The following CDK5RAP2 variants were observed in gnomAD, a reference collection of about 807,000 sequenced individuals.
CDK5RAP2 encodes CDK5 regulatory subunit-associated protein 2.
Under a neutral mutation model 232.9 loss-of-function variants are expected in CDK5RAP2, and 147 were observed. The ratio of observed to expected loss-of-function variants is 0.63; its 90% CI spans 0.55 to 0.72. CDK5RAP2 has a LOEUF of 0.72. CDK5RAP2 is among the 30% of genes least tolerant of loss of function. CDK5RAP2 has a pLI of 0.00. For missense variants in CDK5RAP2, 2,195 were observed against 2,231.5 expected, an observed-to-expected ratio of 0.98 and a Z score of 0.33; for synonymous variants, 833 against 833.7, an observed-to-expected ratio of 1.00 and a Z score of 0.01.
At chr9:120,470,721 C>T (rs2037651187) in intron 16 of CDK5RAP2, among the ~76,000 whole-genome samples, 1 of 147,036 alleles carries the variant, frequency 6.8e-6, no homozygotes, top group African/African-American at 2.5e-5. Context: ...CCTGCTAGTG[C>T]TAAGCTAGAA....
chr9:120,482,619 G>A (rs1412026227), intron 14 of CDK5RAP2, among the ~76,000 whole-genome samples: 3 of 152,186 alleles, frequency 2.0e-5, no homozygotes, highest in African/African-American at 7.2e-5. Flanking sequence ...CCCCAGAGCT[G>A]GCGTGTCAGC....
At position 120,408,378 on chromosome 9, in the gene CDK5RAP2, C is replaced by G. The variant is rs2033620155; in HGVS notation, c.4695G>C (p.Glu1565Asp). ...GTCTCCTGTGCTCTTCATCCAGCTT[C>G]TCATACGCCTTCAGCTCCACTCGGA... The part of the protein sequence containing the change: ...QSLRVELKAY[E>D]KLDEEHRRLR... Residue 1565 changes from glutamate (E) to aspartate (D), a missense_variant, in exon 31 of 38, where the codon GAG (glutamate) becomes GAC (aspartate). Glu to Asp is a conservative substitution (Grantham distance 45, BLOSUM62 2). Transcript: ENST00000349780. 4 of 1,614,170 alleles carry G rather than the reference C, an allele frequency of 2.5e-6. No homozygotes were observed. Among genetic ancestry groups the G allele is most frequent in the Non-Finnish European group, 3.4e-6 (4 of 1,180,030 alleles).
At chr9:120,411,552 TAAAC>T (rs1459247335) in intron 28 of CDK5RAP2, 78 bp from the exon 29 acceptor site, 8 of 808,824 alleles carry the variant, frequency 9.9e-6, no homozygotes, top group East Asian at 2.4e-5. Flanking sequence ...AAAGCAGTTT[TAAAC>T]AAAGAGTTAA....
chr9:120,407,210 T>C lies in CDK5RAP2; in HGVS notation c.4765A>G (p.Arg1589Gly). The C allele has an allele frequency of 6.2e-7, 1 of 1,613,644 alleles. No individual in the cohort carries two copies. Among genetic ancestry groups the C allele is most frequent in the Non-Finnish European group, 8.5e-7 (1 of 1,180,024 alleles). Residue 1589 changes from arginine to glycine, a missense_variant, in exon 32 of 38, where the codon AGG becomes GGG. Transcript: ENST00000349780. ...TCCATCAGGAGGCTGTGCAGGTCCC[T>C]GAAAGGATCCTGCCCCTTCCAGCCT... ...GEGWKGQDPF[R>G]DLHSLLMEIQ...
intron 20 of CDK5RAP2, among the ~76,000 whole-genome samples, chr9:120,455,250 C>T (rs555707464): frequency 3.3e-5 from 5 of 151,456 alleles, no homozygotes; most frequent in Admixed American, 2.6e-4. Context: ...AGGCAAGCCT[C>T]GAGGAGAGGA....
intron 15 of CDK5RAP2, among the ~76,000 whole-genome samples, chr9:120,475,443 A>G (rs949908864): frequency 1.3e-5 from 2 of 152,164 alleles, no homozygotes; most frequent in Non-Finnish European, 2.9e-5. Context: ...AAGACTCAGG[A>G]GCAACCATAT....
chr9:120,481,710 A>G (rs1009794992), intron 14 of CDK5RAP2, among the ~76,000 whole-genome samples: 2 of 152,040 alleles, frequency 1.3e-5, no homozygotes, highest in African/African-American at 4.8e-5. Flanking sequence ...ACGGGGTTTC[A>G]CCGTGTTGCC....
At chr9:120,517,850 A>C (rs986138116) in intron 12 of CDK5RAP2, 1 of 388,326 alleles carries the variant, frequency 2.6e-6, no homozygotes, top group Non-Finnish European at 5.2e-6. Context: ...ACTTGAGCCC[A>C]GGAGTTCAGG....
At chr9:120,550,104 G>A (rs2041994612) in intron 4 of CDK5RAP2, among the ~76,000 whole-genome samples, 3 of 152,210 alleles carry the variant, frequency 2.0e-5, no homozygotes, top group African/African-American at 7.2e-5. Context: ...TTGTACTCCT[G>A]TCTTTTCAAG....
intron 25 of CDK5RAP2, among the ~76,000 whole-genome samples, chr9:120,424,056 G>A (rs1054809424): frequency 5.3e-5 from 8 of 152,190 alleles, no homozygotes; most frequent in Non-Finnish European, 1.0e-4. Context: ...CAGGGCCTGA[G>A]TATGGCTCTT....
intron 12 of CDK5RAP2, among the ~76,000 whole-genome samples, chr9:120,510,840 C>A (rs886990177): frequency 6.6e-6 from 1 of 152,200 alleles, no homozygotes; most frequent in Non-Finnish European, 1.5e-5. Context: ...GGGGACCTAT[C>A]TGTGATCCTC....
At chr9:120,530,553 C>T (rs2041104490) in intron 7 of CDK5RAP2, among the ~76,000 whole-genome samples, 1 of 152,092 alleles carries the variant, frequency 6.6e-6, no homozygotes, top group Admixed American at 6.5e-5. Flanking sequence ...AATGTCTTGC[C>T]AAGACTTCTC....
At chr9:120,555,928 G>A (rs1304701495) in intron 3 of CDK5RAP2, among the ~76,000 whole-genome samples, 1 of 152,212 alleles carries the variant, frequency 6.6e-6, no homozygotes, top group Non-Finnish European at 1.5e-5. Flanking sequence ...AAAGAAGACA[G>A]TCTGAAAAGA....
At chr9:120,434,267 C>T (rs1172450494) in intron 25 of CDK5RAP2, among the ~76,000 whole-genome samples, 2 of 152,078 alleles carry the variant, frequency 1.3e-5, no homozygotes, top group Non-Finnish European at 2.9e-5. Flanking sequence ...AAGTGCAAAG[C>T]CCCTGAAGGA....
In CDK5RAP2 at chr9:120,406,991, G is replaced by T. The variant is rs774831147; in HGVS notation, c.4963+21C>A. 9.7e-6 allele frequency: 15 copies of T among 1,543,894 alleles called. No individual in the cohort carries two copies. The Middle Eastern group carries it at 6.9e-4, about 71-fold the overall frequency. On this transcript the variant is annotated intron_variant, in intron 32 of 37. Coordinates refer to ENST00000349780, the MANE Select transcript of CDK5RAP2 (RefSeq NM_018249.6). ...GCTCAGAGCTGCATTCTCAGCAAGT[G>T]GGGAGAGGCAGGGGCAGTACCGTGT...
intron 5 of CDK5RAP2, among the ~76,000 whole-genome samples, chr9:120,542,535 C>T (rs2041678708): frequency 6.6e-6 from 1 of 151,790 alleles, no homozygotes; most frequent in Non-Finnish European, 1.5e-5. Flanking sequence ...CTAGCAGTTC[C>T]ATGGTAGATA....
Position 120,411,490 on chromosome 9 carries a change from T to C in CDK5RAP2, c.4298-16A>G, listed in dbSNP as rs1362672867. 1 of 1,357,838 alleles carries C rather than the reference T, an allele frequency of 7.4e-7. No homozygotes were observed. The highest frequency in any genetic ancestry group is 2.2e-4 in the Middle Eastern group (1 of 4,620). 84.1% of individuals were successfully genotyped at this position (1,357,838 alleles called of 1,614,324 possible). On this transcript the variant is annotated splice_polypyrimidine_tract_variant and intron_variant, in intron 28 of 37. Transcript: ENST00000349780. ...CTTGTAGAACCTATAAAAACACACA[T>C]AAAAACTGATTTATAAACAGTCTCC... is the stretch of plus-strand genomic sequence containing the variant.
chr9:120,414,732 G>C (rs2034105161), intron 28 of CDK5RAP2, among the ~76,000 whole-genome samples: 1 of 152,200 alleles, frequency 6.6e-6, no homozygotes, highest in Non-Finnish European at 1.5e-5. Flanking sequence ...GAATATGTGT[G>C]ATCTTTAGAC....
chr9:120,471,041 G>A (rs2037675673), intron 16 of CDK5RAP2, among the ~76,000 whole-genome samples: 1 of 152,198 alleles, frequency 6.6e-6, no homozygotes, highest in African/African-American at 2.4e-5. Context: ...CTAATGAGAT[G>A]ACTGTGAGGA....
Sources: allele counts gnomAD v4.1 joint callset (sites outside exome capture counted in the v4.1 genomes callset), GRCh38; gene constraint gnomAD v4.1.1; transcripts MANE v1.5; gene names NCBI Gene and HGNC (gene_info 2026-07-23, HGNC 2026-07-21).